Variants in MACROD2 observed in about 807,000 individuals in gnomAD.
The protein encoded by MACROD2 is mono-ADP ribosylhydrolase 2.
Under a neutral mutation model 70.4 loss-of-function variants are expected in MACROD2, and 36 were observed. That is an observed-to-expected ratio of 0.51 (90% CI 0.39 to 0.68). The LOEUF (loss-of-function observed/expected upper bound fraction) is 0.68, where lower values mean the gene tolerates loss of function less well. Among genes scored for constraint, MACROD2 ranks in the 30% least tolerant of loss-of-function variants. The pLI is 0.00. For synonymous variants in MACROD2, 172 were observed against 178.8 expected (o/e 0.96, Z 0.30); for missense variants, 496 against 538.4 (o/e 0.92, Z 0.78).
chr20:14,112,084 G>A (rs1055820144), intron 3 of MACROD2, among the ~76,000 whole-genome samples: 1 of 151,898 alleles, frequency 6.6e-6, no homozygotes, highest in Non-Finnish European at 1.5e-5. Flanking sequence ...ACTGGAAATC[G>A]TTATATTAAA....
chr20:15,132,151 G>A (rs2076110833), intron 5 of MACROD2, among the ~76,000 whole-genome samples: 1 of 152,064 alleles, frequency 6.6e-6, no homozygotes, highest in East Asian at 1.9e-4. Context: ...GATAAAAGTT[G>A]CAATTCACAA....
chr20:14,073,642 C>T (rs1035745356), intron 2 of MACROD2, among the ~76,000 whole-genome samples: 10 of 152,066 alleles, frequency 6.6e-5, no homozygotes, highest in African/African-American at 2.2e-4. Flanking sequence ...TAGAGATCAC[C>T]GTGATAGGTA....
intron 2 of MACROD2, among the ~76,000 whole-genome samples, chr20:14,045,286 G>A (rs566116066): frequency 3.3e-5 from 5 of 152,366 alleles, no homozygotes; most frequent in South Asian, 4.1e-4. Context: ...GGGCACCAAC[G>A]TCGAGGAGGC....
intron 4 of MACROD2, among the ~76,000 whole-genome samples, chr20:14,553,844 C>A (rs1010007240): frequency 6.6e-6 from 1 of 152,176 alleles, no homozygotes; most frequent in African/African-American, 2.4e-5. Flanking sequence ...AATCAGGGAA[C>A]TTTCCTTCAA....
At chr20:15,107,054 C>T (rs2075916405) in intron 5 of MACROD2, among the ~76,000 whole-genome samples, 1 of 112,742 alleles carries the variant, frequency 8.9e-6, no homozygotes, top group African/African-American at 4.1e-5. Flanking sequence ...ATAGATTGTT[C>T]TGTAATTCAT....
intron 12 of MACROD2, among the ~76,000 whole-genome samples, chr20:15,944,616 G>T (rs2065796042): frequency 6.6e-6 from 1 of 152,068 alleles, no homozygotes; most frequent in Non-Finnish European, 1.5e-5. Flanking sequence ...ATACTGACCA[G>T]AAACATCCTT....
intron 4 of MACROD2, among the ~76,000 whole-genome samples, chr20:14,526,198 A>G (rs1342368077): frequency 1.3e-5 from 2 of 152,188 alleles, no homozygotes; most frequent in African/African-American, 2.4e-5. Context: ...TAGAATGTAA[A>G]TTGCATAGAA....
intron 10 of MACROD2, among the ~76,000 whole-genome samples, chr20:15,903,133 T>C (rs933522120): frequency 6.6e-6 from 1 of 152,050 alleles, no homozygotes; most frequent in African/African-American, 2.4e-5. Flanking sequence ...CCAAGCCCTT[T>C]GAGAGGCCGA....
intron 5 of MACROD2, among the ~76,000 whole-genome samples, chr20:15,081,269 T>G (rs986615965): frequency 2.6e-5 from 4 of 152,202 alleles, no homozygotes; most frequent in African/African-American, 7.2e-5. Context: ...TTTGTTTACA[T>G]GTTGTCTATA....
At chr20:15,040,306 C>CCCCG (rs2075345802) in intron 5 of MACROD2, among the ~76,000 whole-genome samples, 1 of 139,304 alleles carries the variant, frequency 7.2e-6, no homozygotes, top group Non-Finnish European at 1.5e-5. Flanking sequence ...CAGAGCGAGA[C>CCCCG]TCCGTCTCAG....
At chr20:15,765,124 G>A (rs2051501528) in intron 8 of MACROD2, among the ~76,000 whole-genome samples, 1 of 152,124 alleles carries the variant, frequency 6.6e-6, no homozygotes, top group Non-Finnish European at 1.5e-5. Context: ...ATCAGACATA[G>A]CCCTCCATGC....
intron 3 of MACROD2, among the ~76,000 whole-genome samples, chr20:14,242,283 C>G (rs7264309): frequency 1.3e-5 from 2 of 152,122 alleles, no homozygotes; most frequent in African/African-American, 4.8e-5. Context: ...CACGTTAACA[C>G]TTAAGCATTC....
chr20:14,342,540 A>C (rs1311172472), intron 3 of MACROD2, among the ~76,000 whole-genome samples: 1 of 152,302 alleles, frequency 6.6e-6, no homozygotes, highest in South Asian at 2.1e-4. Flanking sequence ...AGAGTGCACT[A>C]TCTGTAATTC....
chr20:14,369,009 A>G (rs1026310868), intron 3 of MACROD2, among the ~76,000 whole-genome samples: 1 of 152,184 alleles, frequency 6.6e-6, no homozygotes, highest in Non-Finnish European at 1.5e-5. Flanking sequence ...ATTAGCGAGC[A>G]TGGGCATGGA....
intron 9 of MACROD2, among the ~76,000 whole-genome samples, chr20:15,875,862 G>A (rs1323173989): frequency 1.3e-5 from 2 of 151,852 alleles, no homozygotes; most frequent in East Asian, 3.9e-4. Context: ...CTTTTGAAAG[G>A]CCTTTCAAAC....
intron 5 of MACROD2, among the ~76,000 whole-genome samples, chr20:15,007,139 C>G (rs1012763978): frequency 1.3e-5 from 2 of 151,798 alleles, no homozygotes; most frequent in Admixed American, 1.3e-4. Flanking sequence ...CTGAGGCAGG[C>G]GGATCACAAG....
intron 3 of MACROD2, among the ~76,000 whole-genome samples, chr20:14,435,560 A>T (rs2084046784): frequency 6.6e-6 from 1 of 152,168 alleles, no homozygotes; most frequent in African/African-American, 2.4e-5. Flanking sequence ...ACAGATAGTT[A>T]TTGAGTACCC....
intron 7 of MACROD2, among the ~76,000 whole-genome samples, chr20:15,453,877 A>G (rs1366751556): frequency 1.3e-5 from 2 of 152,066 alleles, no homozygotes; most frequent in African/African-American, 2.4e-5. Context: ...ATGGCGAGAG[A>G]AGCTTGTAGC....
At chr20:14,695,877 A>G (rs1006106862) in intron 5 of MACROD2, among the ~76,000 whole-genome samples, 1 of 152,192 alleles carries the variant, frequency 6.6e-6, no homozygotes, top group Non-Finnish European at 1.5e-5. Context: ...GAGATAATAC[A>G]TATATGTTTT....
Sources: allele counts gnomAD v4.1 joint callset (sites outside exome capture counted in the v4.1 genomes callset), GRCh38; gene constraint gnomAD v4.1.1; transcripts MANE v1.5; gene names NCBI Gene and HGNC (gene_info 2026-07-23, HGNC 2026-07-21).